Variants in PDE4D observed in about 807,000 individuals in gnomAD.
PDE4D encodes the protein phosphodiesterase 4D.
PDE4D carries 24 observed loss-of-function variants against 87.4 expected under a neutral mutation model. That is an observed-to-expected ratio of 0.27 (90% CI 0.20 to 0.39). The LOEUF is 0.39. PDE4D is among the 10% of genes least tolerant of loss of function. The pLI is 1.00. For synonymous variants in PDE4D, 384 were observed against 383.2 expected, an observed-to-expected ratio of 1.00 and a Z score of -0.02; for missense variants, 714 against 1,041.0, an observed-to-expected ratio of 0.69 and a Z score of 4.32.
chr5:58,977,052 G>A (rs1051786576), intron 12 of PDE4D, 139 bp downstream of exon 12: 27 of 713,386 alleles, frequency 3.8e-5, no homozygotes, highest in African/African-American at 2.7e-4. Flanking sequence ...CCAGCATCAC[G>A]GGCAGCTTCT....
chr5:60,402,584 G>A lies in PDE4D; in HGVS notation c.-90+85358C>T, dbSNP rs113853923. On this transcript the variant is annotated intron_variant, in intron 1 of 16. Transcript: ENST00000502484. ...TCTGGCAGTCCGTGGTTGCACCACC[G>A]AGTGGACAGTCACGCTTCAGAATGT... 2.8e-3 allele frequency among the ~76,000 whole-genome samples: 430 copies of A among 152,320 alleles called. 6 individuals carry two copies. The highest frequency in any genetic ancestry group is 8.8e-3 in the African/African-American group (365 of 41,580).
intron 1 of PDE4D, among the ~76,000 whole-genome samples, chr5:60,217,234 G>C (rs1441208589): frequency 6.6e-6 from 1 of 151,904 alleles, no homozygotes; most frequent in African/African-American, 2.4e-5. Flanking sequence ...AATTGGCAGG[G>C]GGTTGCCAGA....
intron 3 of PDE4D, among the ~76,000 whole-genome samples, chr5:59,904,379 G>C (rs1268227066): frequency 6.6e-6 from 1 of 152,070 alleles, no homozygotes; most frequent in East Asian, 1.9e-4. Flanking sequence ...ACAGAAGAAG[G>C]GGAGTTTCTC....
intron 5 of PDE4D, among the ~76,000 whole-genome samples, chr5:59,147,185 A>G (rs1267114207): frequency 6.6e-6 from 1 of 152,182 alleles, no homozygotes; most frequent in Non-Finnish European, 1.5e-5. Context: ...AAGGTTGGGG[A>G]CCACTGCTGT....
chr5:59,435,820 G>T (rs945397146), intron 1 of PDE4D, among the ~76,000 whole-genome samples: 2 of 152,108 alleles, frequency 1.3e-5, no homozygotes, highest in Non-Finnish European at 2.9e-5. Context: ...ATAAATATTT[G>T]ACAACTGAAA....
chr5:59,534,822 T>G (rs1814858172), intron 1 of PDE4D, among the ~76,000 whole-genome samples: 1 of 152,176 alleles, frequency 6.6e-6, no homozygotes, highest in Non-Finnish European at 1.5e-5. Context: ...GTCAGGAAAT[T>G]CTGGCAATTT....
chr5:59,842,230 A>G (rs1239118690), intron 1 of PDE4D, among the ~76,000 whole-genome samples: 4 of 151,996 alleles, frequency 2.6e-5, no homozygotes, highest in Non-Finnish European at 5.9e-5. Flanking sequence ...TCAAAATGTT[A>G]AGAAGGCAGA....
intron 2 of PDE4D, among the ~76,000 whole-genome samples, chr5:60,010,729 T>G (rs1025179770): frequency 1.3e-5 from 2 of 152,178 alleles, no homozygotes; most frequent in African/African-American, 4.8e-5. Context: ...CAACATAGGA[T>G]AGCTATCTAA....
At chr5:59,295,276 T>C (rs1768837864) in intron 1 of PDE4D, among the ~76,000 whole-genome samples, 1 of 152,192 alleles carries the variant, frequency 6.6e-6, no homozygotes, top group African/African-American at 2.4e-5. Context: ...AAATATTAGA[T>C]GTAGTTCAGT....
chr5:60,320,149 C>T (rs897178984), intron 1 of PDE4D, among the ~76,000 whole-genome samples: 12 of 152,358 alleles, frequency 7.9e-5, no homozygotes, highest in East Asian at 3.9e-4. Context: ...GCTTCCCAGC[C>T]GCTTTGTTTA....
At chr5:59,755,029 T>A (rs1761026966) in intron 1 of PDE4D, among the ~76,000 whole-genome samples, 1 of 152,138 alleles carries the variant, frequency 6.6e-6, no homozygotes, top group South Asian at 2.1e-4. Context: ...CAGGTTGGTA[T>A]ATTAGATGGT....
chr5:60,396,936 C>T (rs576074901), intron 1 of PDE4D, among the ~76,000 whole-genome samples: 45 of 152,286 alleles, frequency 3.0e-4, no homozygotes, highest in African/African-American at 8.9e-4. Context: ...GAAACAAAGA[C>T]GAACACTAGG....
chr5:59,603,261 G>T (rs747073892), intron 1 of PDE4D, among the ~76,000 whole-genome samples: 4 of 151,874 alleles, frequency 2.6e-5, no homozygotes, highest in Non-Finnish European at 5.9e-5. Context: ...CCTCTAATAA[G>T]GAATTTGTAT....
chr5:60,435,416 A>G (rs1194812138), intron 1 of PDE4D, among the ~76,000 whole-genome samples: 1 of 152,120 alleles, frequency 6.6e-6, no homozygotes, highest in Non-Finnish European at 1.5e-5. Flanking sequence ...TAGAAAGTTC[A>G]CAGCTTTTCA....
intron 5 of PDE4D, among the ~76,000 whole-genome samples, chr5:59,052,833 CT>C (rs2153405332): frequency 6.6e-6 from 1 of 152,284 alleles, no homozygotes; most frequent in South Asian, 2.1e-4. Flanking sequence ...ATATTCATAT[CT>C]CTATCTTTTT....
chr5:59,206,608 T>A (rs894734752), intron 2 of PDE4D, among the ~76,000 whole-genome samples: 1 of 152,190 alleles, frequency 6.6e-6, no homozygotes, highest in Non-Finnish European at 1.5e-5. Context: ...TCCTTTTGTA[T>A]CAAGAATTTT....
chr5:59,991,082 T>C lies in PDE4D; in HGVS notation c.43-2365A>G, dbSNP rs193272835. Among the ~76,000 whole-genome samples the C allele has an allele frequency of 3.0e-4, 46 of 152,218 alleles. 1 individual carries two copies. Among genetic ancestry groups the C allele is most frequent in the Admixed American group, 2.5e-3 (39 of 15,302 alleles). On this transcript the variant is annotated intron_variant, in intron 2 of 16. Transcript: ENST00000502484. ...TAACTCAATAAGCTTCACATTTTCATTTGAAAAATTAAACAGAACTGAGAT... is the reference window on the plus strand; with the variant it reads ...TAACTCAATAAGCTTCACATTTTCACTTGAAAAATTAAACAGAACTGAGAT...
At chr5:59,430,818 CAG>C (rs1796000612) in intron 1 of PDE4D, among the ~76,000 whole-genome samples, 1 of 152,062 alleles carries the variant, frequency 6.6e-6, no homozygotes, top group Non-Finnish European at 1.5e-5. Flanking sequence ...GTTTGGTAAT[CAG>C]AGTTATTTAC....
At chr5:60,431,953 A>G (rs1003065913) in intron 1 of PDE4D, among the ~76,000 whole-genome samples, 4 of 152,234 alleles carry the variant, frequency 2.6e-5, no homozygotes, top group Admixed American at 6.5e-5. Flanking sequence ...CAGGCCTGCA[A>G]TCGCAGGCAC....
Sources: allele counts gnomAD v4.1 joint callset (sites outside exome capture counted in the v4.1 genomes callset), GRCh38; gene constraint gnomAD v4.1.1; transcripts MANE v1.5; gene names NCBI Gene and HGNC (gene_info 2026-07-23, HGNC 2026-07-21).